Variants in CCDC82 observed in about 807,000 individuals in gnomAD.
CCDC82 encodes coiled-coil domain containing 82.
In CCDC82, 47 loss-of-function variants were observed where a neutral mutation model predicts 60.6. The observed-to-expected ratio is 0.77, with a 90% CI of 0.61 to 0.99. CCDC82 has a LOEUF of 0.99. Ranked by LOEUF, CCDC82 falls within the 50% of genes least tolerant of loss-of-function variation. The pLI is 0.00. For missense variants in CCDC82, 588 were observed against 633.0 expected (o/e 0.93, Z 0.76); for synonymous variants, 212 against 207.4 (o/e 1.02, Z -0.19).
rs533894751 is a variant in CCDC82 at position 96,381,984 on chromosome 11, T to C, written c.991+1285A>G. The C allele has an allele frequency of 5.3e-5, 8 of 151,970 alleles. No individual in the cohort carries two copies. The South Asian group carries it at 1.7e-3, about 31-fold the overall frequency. The allele number at this position is 151,970 out of a possible 1,614,324, so 9.4% of individuals were successfully genotyped here. A position where few individuals can be genotyped will look rare whatever the true frequency, so the allele number is the denominator to read the frequency against. On this transcript the variant is annotated intron_variant, in intron 5 of 9. Transcript: ENST00000646818. The stretch of plus-strand genomic sequence containing the variant: ...GCACTCACAGTAAAAAAAGCCACTT[T>C]CACTTAAGAATGTCCTCGTTGAAGC...
In CCDC82 at chr11:96,383,202, C is replaced by T. The variant is rs144377544; in HGVS notation, c.991+67G>A. 3.2e-3 allele frequency: 2,967 copies of T among 924,954 alleles called. 5 individuals are homozygous for T. The highest frequency in any genetic ancestry group is 8.6e-3 in the African/African-American group (530 of 61,428). 57.3% of individuals were successfully genotyped at this position (924,954 alleles called of 1,614,324 possible). ...TGATTTAGAACATGATATTAAAAGGCTAATTTGATACTTGATAAAATATCA... is the reference window on the plus strand; with the variant it reads ...TGATTTAGAACATGATATTAAAAGGTTAATTTGATACTTGATAAAATATCA... On this transcript the variant is annotated intron_variant, in intron 5 of 9. Coordinates refer to ENST00000646818, the MANE Select transcript of CCDC82 (RefSeq NM_024725.4).
At position 96,384,379 on chromosome 11, in the gene CCDC82, T is replaced by C. The variant is rs556503109; in HGVS notation, c.369A>G (p.Leu123=). The C allele has an allele frequency of 1.4e-5, 23 of 1,613,776 alleles. No individual in the cohort carries two copies. In the Admixed American group the frequency reaches 1.5e-4, roughly 11 times the overall value. ...TNKIKHRNID[L]QDQEKHLSQE... The stretch of plus-strand genomic sequence containing the variant: ...GACTTAAATGTTTTTCCTGATCTTG[T>C]AAGTCAATATTCCTATGTTTGATTT... The change falls in exon 4 of 10, where the codon TTA becomes TTG. Residue 123 remains leucine (L), a synonymous_variant. Transcript: ENST00000646818.
intron 9 of CCDC82, chr11:96,355,869 A>G (rs1864320640): frequency 6.6e-6 from 1 of 152,204 alleles, no homozygotes; most frequent in Non-Finnish European, 1.5e-5. Flanking sequence ...CTCTTACAAC[A>G]CCTGATGGAC....
rs763981685 is a variant in CCDC82, at chr11:96,384,619, CTCT to C, written c.126_128del (p.Glu43del). On this transcript the variant is annotated inframe_deletion, in exon 4 of 10. Transcript: ENST00000646818. Reference sequence around the variant, plus strand: ...CACTATCAAATTCTTCACTATCAAGCTCTTCATCACTATCAAGTAATTGTGAGA... The same window carrying C: ...CACTATCAAATTCTTCACTATCAAGCTCATCACTATCAAGTAATTGTGAGA... 6 of 1,613,618 alleles carry C rather than the reference CTCT, an allele frequency of 3.7e-6. No individual in the cohort carries two copies. The highest frequency in any genetic ancestry group is 4.5e-5 in the East Asian group (2 of 44,848).
At chr11:96,375,958 T>G (rs1865548719) in intron 5 of CCDC82, among the ~76,000 whole-genome samples, 1 of 152,222 alleles carries the variant, frequency 6.6e-6, no homozygotes, top group South Asian at 2.1e-4. Context: ...CTTTAATCCC[T>G]ATATTGAATG....
At chr11:96,389,619 G>C (rs111392237) in intron 1 of CCDC82, 1 of 152,582 alleles carries the variant, frequency 6.6e-6, no homozygotes, top group African/African-American at 2.4e-5. Flanking sequence ...ACCTCCCCAA[G>C]GCGGAAATAA....
intron 1 of CCDC82, chr11:96,389,325 G>A (rs1370891747): frequency 1.3e-5 from 2 of 152,168 alleles, no homozygotes; most frequent in Admixed American, 1.3e-4. Context: ...GATCCTCTCA[G>A]GAATTAACAC....
At chr11:96,363,310 T>C (rs979553426) in intron 8 of CCDC82, 1 of 152,234 alleles carries the variant, frequency 6.6e-6, no homozygotes, top group African/African-American at 2.4e-5. Flanking sequence ...TCTCCCTTTC[T>C]TTCCTTCTTT....
chr11:96,382,811 A>T (rs1199271876), intron 5 of CCDC82: 1 of 153,046 alleles, frequency 6.5e-6, no homozygotes, highest in Non-Finnish European at 1.5e-5. Context: ...ATGTCACAAC[A>T]GACTGAACGT....
intron 6 of CCDC82, among the ~76,000 whole-genome samples, chr11:96,372,191 A>G (rs935479333): frequency 6.6e-6 from 1 of 152,124 alleles, no homozygotes; most frequent in Non-Finnish European, 1.5e-5. Flanking sequence ...CTGCTAAGCA[A>G]GTAATCCACG....
At chr11:96,375,642 TAG>T (rs1331598252) in intron 5 of CCDC82, among the ~76,000 whole-genome samples, 4 of 152,280 alleles carry the variant, frequency 2.6e-5, no homozygotes, top group African/African-American at 4.8e-5. Flanking sequence ...AACTGAAATA[TAG>T]AGAGGATGAA....
chr11:96,360,784 C>G (rs1864620240), intron 8 of CCDC82, among the ~76,000 whole-genome samples: 1 of 152,176 alleles, frequency 6.6e-6, no homozygotes, highest in Non-Finnish European at 1.5e-5. Flanking sequence ...ATAGACAAAG[C>G]AGGAGTATGT....
At chr11:96,377,013 C>A (rs547135476) in intron 5 of CCDC82, among the ~76,000 whole-genome samples, 1 of 152,260 alleles carries the variant, frequency 6.6e-6, no homozygotes, top group Non-Finnish European at 1.5e-5. Flanking sequence ...TCTCCCACAA[C>A]CCCCAGGAGG....
chr11:96,354,307 A>G (rs1460365765), intron 9 of CCDC82: 4 of 152,270 alleles, frequency 2.6e-5, no homozygotes, highest in South Asian at 2.1e-4. Context: ...AAGAGGGAAC[A>G]GTCCATCAAA....
At chr11:96,362,906 GAATTAGTCTTC>G (rs1349636256) in intron 8 of CCDC82, among the ~76,000 whole-genome samples, 1 of 151,880 alleles carries the variant, frequency 6.6e-6, no homozygotes, top group African/African-American at 2.4e-5. Context: ...ACAAAATAAA[GAATTAGTCTTC>G]AAAATAACTT....
chr11:96,389,059 C>T (rs1375724958), intron 1 of CCDC82: 3 of 152,156 alleles, frequency 2.0e-5, no homozygotes, highest in Admixed American at 1.3e-4. Flanking sequence ...AAGTTCTTAT[C>T]ACACTGCTAT....
In CCDC82 at chr11:96,384,128, A is replaced by G. The variant is rs780554969; in HGVS notation, c.620T>C (p.Val207Ala). 3 of 1,613,800 alleles carry G rather than the reference A, an allele frequency of 1.9e-6. No homozygotes were observed. Among genetic ancestry groups the G allele is most frequent in the Non-Finnish European group, 2.5e-6 (3 of 1,179,798 alleles). Reference sequence around the variant, plus strand: ...TTCAACCACTCTACGGGGACGTTTAACACCTACTTTTCTAACTAGGATATC... The same window carrying G: ...TTCAACCACTCTACGGGGACGTTTAGCACCTACTTTTCTAACTAGGATATC... ...DSDILVRKVG[V>A]KRPRRVVEDE... The change falls in exon 4 of 10, where the codon GTT (valine) becomes GCT (alanine). Residue 207 changes from valine (V) to alanine (A), a missense_variant. Coordinates refer to ENST00000646818, the MANE Select transcript of CCDC82 (RefSeq NM_024725.4).
At position 96,364,997 on chromosome 11, in the gene CCDC82, T is replaced by A; in HGVS notation, c.1363A>T (p.Met455Leu). ...NTRTMQIDNFMSHDKQVFTVG... is the reference protein window; with the variant it reads ...NTRTMQIDNFLSHDKQVFTVG... ...GAAAATACCTGTTTATCATGTGACA[T>A]GAAATTATCTATTTGCATGGTCCTG... is the stretch of plus-strand genomic sequence containing the variant. Residue 455 changes from methionine (M) to leucine (L), a missense_variant, in exon 8 of 10, where the codon ATG becomes TTG. Met to Leu is a conservative substitution (Grantham distance 15, BLOSUM62 2). Transcript: ENST00000646818. The A allele has an allele frequency of 6.2e-7, 1 of 1,600,840 alleles. No homozygotes were observed. The highest frequency in any genetic ancestry group is 8.5e-7 in the Non-Finnish European group (1 of 1,175,876).
chr11:96,383,507 G>C (rs1865993801), intron 4 of CCDC82, 34 bp from the exon 5 acceptor site: 1 of 1,382,084 alleles, frequency 7.2e-7, no homozygotes, highest in South Asian at 1.3e-5. Flanking sequence ...TCAGTAAATG[G>C]TGCTATTAAA....
Sources: gnomAD v4.1 joint callset for allele counts (sites outside exome capture counted in the v4.1 genomes callset) on GRCh38, gnomAD v4.1.1 for gene constraint, MANE v1.5 for transcripts, NCBI Gene and HGNC (gene_info 2026-07-23, HGNC 2026-07-21) for gene names.